The following NEK1 variants were observed in gnomAD, a reference collection of about 807,000 sequenced individuals.
NEK1 encodes the protein NIMA related kinase 1.
Under a neutral mutation model 182.1 loss-of-function variants are expected in NEK1, and 137 were observed. The observed-to-expected ratio is 0.75, with a 90% CI of 0.65 to 0.87. The LOEUF is 0.87. NEK1 is among the 40% of genes least tolerant of loss of function. NEK1 has a pLI of 0.00. For missense variants in NEK1, 1,391 were observed against 1,494.4 expected, an observed-to-expected ratio of 0.93 and a Z score of 1.14; for synonymous variants, 513 against 492.2, an observed-to-expected ratio of 1.04 and a Z score of -0.56.
In NEK1 at chr4:169,570,978, C is replaced by T. The variant is rs910864507; in HGVS notation, c.1020+5950G>A. Among the ~76,000 whole-genome samples the T allele has an allele frequency of 1.9e-4, 29 of 152,004 alleles. No homozygotes were observed. The East Asian group carries it at 5.2e-3, about 27-fold the overall frequency. Reference sequence around the variant, plus strand: ...GCTTTGTTAAACAGATGCTTGAAGGCAGCATGCTCATTAAGAGTCATCACC... The same window carrying T: ...GCTTTGTTAAACAGATGCTTGAAGGTAGCATGCTCATTAAGAGTCATCACC... On this transcript the variant is annotated intron_variant, in intron 12 of 35. Coordinates refer to ENST00000507142, the MANE Select transcript of NEK1 (RefSeq NM_001199397.3).
In NEK1 at chr4:169,562,001, TTA is replaced by T. The variant is rs986927769; in HGVS notation, c.1081-112_1081-111del. 1,081 of 925,630 alleles carry T rather than the reference TTA, an allele frequency of 1.2e-3. 1 individual carries two copies. Among genetic ancestry groups the T allele is most frequent in the African/African-American group, 2.5e-3 (134 of 54,000 alleles). 57.3% of individuals were successfully genotyped at this position (925,630 alleles called of 1,614,324 possible). A position where few individuals can be genotyped will look rare whatever the true frequency, so the allele number is the denominator to read the frequency against. On this transcript the variant is annotated intron_variant, in intron 13 of 35. Transcript: ENST00000507142. ...AGGTATGTTCAATGAGGTTTTTTTT[TTA>T]AAAAAAAAAAGAAGTTATAGGTATT... is the stretch of plus-strand genomic sequence containing the variant.
chr4:169,466,484 T>A (rs879737275), intron 26 of NEK1, among the ~76,000 whole-genome samples: 1 of 151,982 alleles, frequency 6.6e-6, no homozygotes, highest in Admixed American at 6.6e-5. Context: ...ACAAGTAATG[T>A]GCATAAGATG....
chr4:169,432,202 A>G (rs1341184917), intron 29 of NEK1, among the ~76,000 whole-genome samples: 1 of 152,160 alleles, frequency 6.6e-6, no homozygotes, highest in Non-Finnish European at 1.5e-5. Context: ...CAGATATACT[A>G]TTTTTTACCT....
At chr4:169,554,956 C>T (rs764401813) in intron 18 of NEK1, 14 of 152,060 alleles carry the variant, frequency 9.2e-5, no homozygotes, top group South Asian at 2.1e-4. Context: ...AACCCCAAAT[C>T]GCTCTAAAAA....
chr4:169,394,656 C>T (rs1358786310), intron 35 of NEK1, 133 bp from the exon 36 acceptor site: 1 of 512,734 alleles, frequency 2.0e-6, no homozygotes, highest in East Asian at 3.6e-5. Flanking sequence ...ATTATTTTAT[C>T]ACACATTCCT....
intron 16 of NEK1, among the ~76,000 whole-genome samples, chr4:169,559,191 C>T (rs545773058): frequency 5.8e-4 from 88 of 152,198 alleles, no homozygotes; most frequent in Middle Eastern, 3.4e-3. Context: ...CTGTATTAGA[C>T]ATCATAGGAA....
intron 31 of NEK1, among the ~76,000 whole-genome samples, chr4:169,407,924 G>C (rs891582049): frequency 1.3e-5 from 2 of 152,210 alleles, no homozygotes; most frequent in African/African-American, 2.4e-5. Context: ...AAATCGTTAT[G>C]AACTACAAGT....
chr4:169,602,439 T>TA lies in NEK1; in HGVS notation c.117+74dup, dbSNP rs1288029075. ...GTTATCGATTACTTTTTTTTTTTTT[T>TA]AAAGAAAATCTCTAACAATGAGCTC... On this transcript the variant is annotated intron_variant, in intron 3 of 35. Coordinates refer to ENST00000507142, the MANE Select transcript of NEK1 (RefSeq NM_001199397.3). 8 of 810,086 alleles carry TA rather than the reference T, an allele frequency of 9.9e-6. No individual in the cohort carries two copies. In the African/African-American group the frequency reaches 1.1e-4, roughly 11 times the overall value. The allele number at this position is 810,086 out of a possible 1,614,324, so 50.2% of individuals were successfully genotyped here.
chr4:169,552,226 TGAAAG>T lies in NEK1; in HGVS notation c.1562+3489_1562+3493del, dbSNP rs372224039. On this transcript the variant is annotated intron_variant, in intron 18 of 35. Transcript: ENST00000507142. ...TTTCCTTATAAGTGATTACCAGCTATGAAAGGAAAGGGCATTTTTATTCTTATAGC... is the reference window on the plus strand; with the variant it reads ...TTTCCTTATAAGTGATTACCAGCTATGAAAGGGCATTTTTATTCTTATAGC... 4.3e-4 allele frequency among the ~76,000 whole-genome samples: 65 copies of T among 152,044 alleles called. No individual in the cohort carries two copies. The South Asian group carries it at 0.013, about 31-fold the overall frequency.
In NEK1 at chr4:169,448,855, C is replaced by T. The variant is rs551192485; in HGVS notation, c.2588-10596G>A. ...GGTGAGCCGAAGCAGGGTGGGGCATCACCTCACCTGGGAAGCGCAATGAGT... is the reference window on the plus strand; with the variant it reads ...GGTGAGCCGAAGCAGGGTGGGGCATTACCTCACCTGGGAAGCGCAATGAGT... On this transcript the variant is annotated intron_variant, in intron 27 of 35. Coordinates refer to ENST00000507142, the MANE Select transcript of NEK1 (RefSeq NM_001199397.3). Among the ~76,000 whole-genome samples, 7 of 152,346 alleles carry T rather than the reference C, an allele frequency of 4.6e-5. No homozygotes were observed. The East Asian group carries it at 9.6e-4, about 21-fold the overall frequency.
In NEK1 at chr4:169,585,389, C is replaced by A. The variant is rs142236342; in HGVS notation, c.767G>T (p.Gly256Val). The change falls in exon 10 of 36, where the codon GGT becomes GTT. Residue 256 changes from glycine to valine, a missense_variant. Around this residue, in one of 5 missense-constraint regions of NEK1, gnomAD observed 1,216 missense variants for 1,277.6 expected, o/e 0.95. Coordinates refer to ENST00000507142, the MANE Select transcript of NEK1 (RefSeq NM_001199397.3). ...CTTTTCAATGCGTTTGGCTATAAAACCTTTCTCCAATATGGAGTTGACTGA... is the reference window on the plus strand; with the variant it reads ...CTTTTCAATGCGTTTGGCTATAAAAACTTTCTCCAATATGGAGTTGACTGA... Reference protein sequence around the residue: ...RPSVNSILEKGFIAKRIEKFL... With the variant: ...RPSVNSILEKVFIAKRIEKFL... 1 of 1,613,524 alleles carries A rather than the reference C, an allele frequency of 6.2e-7. No individual in the cohort carries two copies. The highest frequency in any genetic ancestry group is 8.5e-7 in the Non-Finnish European group (1 of 1,179,694).
intron 23 of NEK1, among the ~76,000 whole-genome samples, chr4:169,503,138 C>A (rs1752676258): frequency 6.6e-6 from 1 of 152,024 alleles, no homozygotes; most frequent in African/African-American, 2.4e-5. Flanking sequence ...TAGCCACTCA[C>A]ACACAAAAAT....
At chr4:169,607,087 T>C (rs1020451305) in intron 2 of NEK1, among the ~76,000 whole-genome samples, 2 of 152,236 alleles carry the variant, frequency 1.3e-5, no homozygotes, top group Non-Finnish European at 1.5e-5. Context: ...ATTCTGTTCC[T>C]AAACTGTGCA....
At chr4:169,580,668 T>A (rs1259227953) in intron 11 of NEK1, among the ~76,000 whole-genome samples, 174 bp downstream of exon 11, 1 of 151,924 alleles carries the variant, frequency 6.6e-6, no homozygotes, top group East Asian at 1.9e-4. Context: ...AGAATGTTAT[T>A]AATTTATAAG....
At chr4:169,584,288 ATATAAC>A (rs888826470) in intron 10 of NEK1, among the ~76,000 whole-genome samples, 3 of 152,164 alleles carry the variant, frequency 2.0e-5, no homozygotes, top group African/African-American at 7.2e-5. Flanking sequence ...ATCAAAAAGA[ATATAAC>A]TATAATATAT....
At chr4:169,559,902 C>T (rs528995308) in intron 16 of NEK1, among the ~76,000 whole-genome samples, 2 of 152,044 alleles carry the variant, frequency 1.3e-5, no homozygotes, top group East Asian at 1.9e-4. Flanking sequence ...CCAGCTACTC[C>T]GGAGGCTGAG....
At chr4:169,537,245 CAG>C (rs1161648509) in intron 19 of NEK1, among the ~76,000 whole-genome samples, 4 of 152,072 alleles carry the variant, frequency 2.6e-5, no homozygotes, top group East Asian at 1.9e-4. Flanking sequence ...AAAGAGAAAA[CAG>C]AGTTTTAATG....
intron 34 of NEK1, 27 bp from the exon 35 acceptor site, chr4:169,400,384 A>T: frequency 7.0e-7 from 1 of 1,437,422 alleles, no homozygotes. Context: ...AATATAAATT[A>T]ATATTTGAAT....
intron 23 of NEK1, among the ~76,000 whole-genome samples, chr4:169,488,613 C>T (rs1013518209): frequency 6.6e-6 from 1 of 152,090 alleles, no homozygotes; most frequent in African/African-American, 2.4e-5. Context: ...AAATATTATA[C>T]TTTTGAGAAT....
Sources: allele counts gnomAD v4.1 joint callset (sites outside exome capture counted in the v4.1 genomes callset), GRCh38; gene constraint gnomAD v4.1.1; regional missense constraint gnomAD v4.1.1; transcripts MANE v1.5; gene names NCBI Gene and HGNC (gene_info 2026-07-23, HGNC 2026-07-21).